The following IGSF10 variants were observed in gnomAD, a reference collection of about 807,000 sequenced individuals.
IGSF10 encodes calvaria mechanical force protein 608.
A neutral mutation model predicts 128.2 loss-of-function variants in IGSF10; 126 were observed. The ratio of observed to expected loss-of-function variants is 0.98; its 90% confidence interval spans 0.85 to 1.14. The LOEUF is 1.14. Among genes scored for constraint, IGSF10 ranks in the 50% most tolerant of loss-of-function variants. The probability of loss-of-function intolerance (pLI) is 0.00; values close to 1 mark genes in which losing one functional copy is unlikely to be tolerated. For missense variants in IGSF10, 3,295 were observed against 3,149.8 expected (o/e 1.05, Z -1.10); for synonymous variants, 1,185 against 1,146.2 (o/e 1.03, Z -0.68).
At chr3:151,492,403 T>C in the IGSF10 span, among the ~76,000 whole-genome samples, 2 of 152,298 alleles carry the variant, frequency 1.3e-5, no homozygotes, top group South Asian at 4.2e-4. Context: ...AACACACTGC[T>C]GATGGGAATA....
At chr3:151,468,808 G>A in the IGSF10 span, among the ~76,000 whole-genome samples, 4 of 152,188 alleles carry the variant, frequency 2.6e-5, no homozygotes, top group South Asian at 2.1e-4. Context: ...GTGTGTCATG[G>A]TGGTTTGCTG....
intron 5 of IGSF10, among the ~76,000 whole-genome samples, chr3:151,451,054 C>T (rs1232133938): frequency 6.6e-6 from 1 of 152,102 alleles, no homozygotes; most frequent in Non-Finnish European, 1.5e-5. Flanking sequence ...CTGTGGCATG[C>T]TTATTATTGC....
the IGSF10 span, among the ~76,000 whole-genome samples, chr3:151,516,000 G>A: frequency 6.6e-6 from 1 of 151,982 alleles, no homozygotes; most frequent in Non-Finnish European, 1.5e-5. Flanking sequence ...ATGCCACAGT[G>A]CATATTCATT....
At chr3:151,544,274 C>T in the IGSF10 span, among the ~76,000 whole-genome samples, 1 of 152,148 alleles carries the variant, frequency 6.6e-6, no homozygotes, top group African/African-American at 2.4e-5. Flanking sequence ...CCTAGGAGAA[C>T]ATTCTGCAGG....
chr3:151,591,128 C>T, the IGSF10 span, among the ~76,000 whole-genome samples: 1 of 152,026 alleles, frequency 6.6e-6, no homozygotes, highest in African/African-American at 2.4e-5. Flanking sequence ...ATGCACATTT[C>T]TCATTCCCAA....
the IGSF10 span, among the ~76,000 whole-genome samples, chr3:151,616,078 C>T: frequency 6.6e-6 from 1 of 151,538 alleles, no homozygotes; most frequent in African/African-American, 2.4e-5. Flanking sequence ...GATTCTCCTG[C>T]CTCAGCCTCC....
At chr3:151,609,607 T>A in the IGSF10 span, among the ~76,000 whole-genome samples, 2 of 151,866 alleles carry the variant, frequency 1.3e-5, no homozygotes, top group South Asian at 2.1e-4. Flanking sequence ...CTATCAACAG[T>A]GTACGGATAA....
chr3:151,453,761 C>A lies in IGSF10; in HGVS notation c.338G>T (p.Ser113Ile). ...CTGAAGTTTTCGGACTTTATTATAG[C>A]TCATTTTTAAGACCTATGAATTAAA... is the stretch of plus-strand genomic sequence containing the variant. ...DLQALQVLKM[S>I]YNKVRKLQKD... Residue 113 changes from serine to isoleucine, a missense_variant, in exon 5 of 8, where the codon AGC (serine) becomes ATC (isoleucine). Ser to Ile is a moderately radical substitution (Grantham distance 142). Transcript: ENST00000282466. 6.5e-7 allele frequency: 1 copy of A among 1,538,756 alleles called. No homozygotes were observed. Among genetic ancestry groups the A allele is most frequent in the Non-Finnish European group, 8.8e-7 (1 of 1,137,222 alleles).
At chr3:151,588,129 A>C in the IGSF10 span, among the ~76,000 whole-genome samples, 1 of 152,204 alleles carries the variant, frequency 6.6e-6, no homozygotes, top group East Asian at 1.9e-4. Flanking sequence ...AAAGATTAGG[A>C]TTTGGGGCTT....
intron 5 of IGSF10, 49 bp from the exon 6 acceptor site, chr3:151,449,314 T>C: frequency 6.9e-7 from 1 of 1,451,062 alleles, no homozygotes; most frequent in Non-Finnish European, 9.2e-7. Context: ...CTTTATGAAT[T>C]GACACAAACA....
At position 151,440,690 on chromosome 3, in the gene IGSF10, T is replaced by G. The variant is rs1178041048; in HGVS notation, c.5964-2093A>C. On this transcript the variant is annotated intron_variant, in intron 7 of 7. Coordinates refer to ENST00000282466, the MANE Select transcript of IGSF10 (RefSeq NM_178822.5). Reference sequence around the variant, plus strand: ...TAAACTTGGCTAAACATTAAAACACTTGTGGAGTTTAAAATAATAATGATG... The same window carrying G: ...TAAACTTGGCTAAACATTAAAACACGTGTGGAGTTTAAAATAATAATGATG... 6.4e-5 allele frequency: 28 copies of G among 437,322 alleles called. No individual in the cohort carries two copies. In the East Asian group the frequency reaches 1.9e-3, roughly 30 times the overall value. The allele number at this position is 437,322 out of a possible 1,614,324, so 27.1% of individuals were successfully genotyped here. A position where few individuals can be genotyped will look rare whatever the true frequency, so the allele number is the denominator to read the frequency against.
chr3:151,619,710 G>A, the IGSF10 span, among the ~76,000 whole-genome samples: 129 of 152,294 alleles, frequency 8.5e-4, no homozygotes, highest in Non-Finnish European at 1.6e-3. Context: ...GCAGGGTTGA[G>A]AGGTGGAATA....
the IGSF10 span, among the ~76,000 whole-genome samples, chr3:151,509,023 C>T: frequency 5.7e-4 from 87 of 152,226 alleles, no homozygotes; most frequent in Non-Finnish European, 9.1e-4. Flanking sequence ...TCTGATGCAG[C>T]GTCTGAAAAC....
chr3:151,457,005 C>G, intron 4 of IGSF10, 21 bp downstream of exon 4: 1 of 1,613,914 alleles, frequency 6.2e-7, no homozygotes, highest in Non-Finnish European at 8.5e-7. Context: ...TTAACCTGCC[C>G]CCTCTCTCCA....
rs1720393762 is a variant in IGSF10, at chr3:151,437,260, A to G, written c.7301T>C (p.Ile2434Thr). The G allele has an allele frequency of 6.2e-7, 1 of 1,614,098 alleles. No homozygotes were observed. The highest frequency in any genetic ancestry group is 8.5e-7 in the Non-Finnish European group (1 of 1,180,044). The change falls in exon 8 of 8, where the codon ATT becomes ACT. Residue 2434 changes from isoleucine to threonine, a missense_variant. Transcript: ENST00000282466. ...TACTGTCCCTGGTGCATAGGTAAGAATAACTGGCTTCTGGCCAATTTCTAA... is the reference window on the plus strand; with the variant it reads ...TACTGTCCCTGGTGCATAGGTAAGAGTAACTGGCTTCTGGCCAATTTCTAA... Reference protein sequence around the residue: ...VILEIGQKPVILTYAPGTVKG... With the variant: ...VILEIGQKPVTLTYAPGTVKG...
the IGSF10 span, among the ~76,000 whole-genome samples, chr3:151,520,908 A>G: frequency 1.3e-5 from 2 of 151,630 alleles, no homozygotes; most frequent in Non-Finnish European, 3.0e-5. Context: ...AAAAATGGCT[A>G]AATGCCCCAC....
the IGSF10 span, among the ~76,000 whole-genome samples, chr3:151,600,225 A>C: frequency 3.3e-5 from 5 of 152,086 alleles, no homozygotes; most frequent in Admixed American, 3.3e-4. Context: ...TCATTTTAAA[A>C]TGTTATTTTT....
the IGSF10 span, among the ~76,000 whole-genome samples, chr3:151,610,982 A>T: frequency 3.6e-3 from 544 of 152,306 alleles, 3 homozygotes; most frequent in African/African-American, 0.013. Flanking sequence ...TTCAAACCAT[A>T]GCACCAAGGT....
At chr3:151,475,014 T>G in the IGSF10 span, among the ~76,000 whole-genome samples, 1 of 152,182 alleles carries the variant, frequency 6.6e-6, no homozygotes, top group Non-Finnish European at 1.5e-5. Context: ...ATATCAGAAC[T>G]CTTATTAAGG....
Sources: gnomAD v4.1 joint callset for allele counts (sites outside exome capture counted in the v4.1 genomes callset) on GRCh38, gnomAD v4.1.1 for gene constraint, MANE v1.5 for transcripts, NCBI Gene and HGNC (gene_info 2026-07-23, HGNC 2026-07-21) for gene names.